Variants in OSBPL1A observed in about 807,000 individuals in gnomAD.
The protein encoded by OSBPL1A is oxysterol-binding protein-related protein 1.
A neutral mutation model predicts 137.1 loss-of-function variants in OSBPL1A; 80 were observed. The observed-to-expected ratio is 0.58, with a 90% CI of 0.49 to 0.70. The LOEUF is 0.70. Among genes scored for constraint, OSBPL1A ranks in the 30% least tolerant of loss-of-function variants. The probability of loss-of-function intolerance (pLI) is 0.00; values close to 1 mark genes in which losing one functional copy is unlikely to be tolerated. For missense variants in OSBPL1A, 970 were observed against 1,129.4 expected, an observed-to-expected ratio of 0.86 and a Z score of 2.02; for synonymous variants, 365 against 389.7, an observed-to-expected ratio of 0.94 and a Z score of 0.75.
At chr18:24,186,482 CA>C (rs1349940028) in intron 18 of OSBPL1A, among the ~76,000 whole-genome samples, 1 of 152,012 alleles carries the variant, frequency 6.6e-6, no homozygotes, top group Non-Finnish European at 1.5e-5. Flanking sequence ...ATAGTAACAT[CA>C]AAAAGTTAAT....
intron 23 of OSBPL1A, 109 bp downstream of exon 23, chr18:24,171,299 TG>T: frequency 1.3e-6 from 1 of 783,030 alleles, no homozygotes; most frequent in Non-Finnish European, 2.1e-6. Context: ...CCCAAAGTGC[TG>T]GGATTATAGG....
At chr18:24,280,989 G>C (rs1012418769) in intron 14 of OSBPL1A, 41 bp from the exon 15 acceptor site, 13 of 1,369,502 alleles carry the variant, frequency 9.5e-6, no homozygotes, top group Non-Finnish European at 1.2e-5. Flanking sequence ...GGATTTTAAG[G>C]AATCTTAAGG....
In OSBPL1A at chr18:24,303,697, G is replaced by A. The variant is rs1247579673; in HGVS notation, c.1114C>T (p.Arg372Ter). The A allele has an allele frequency of 6.8e-6, 11 of 1,613,138 alleles. No individual in the cohort carries two copies. Among genetic ancestry groups the A allele is most frequent in the East Asian group, 2.2e-5 (1 of 44,774 alleles). Residue 372 changes from arginine (R) to a stop codon, truncating the protein, a stop_gained, in exon 14 of 28, where the codon CGA (arginine) becomes TGA (stop). Coordinates refer to ENST00000319481, the MANE Select transcript of OSBPL1A (RefSeq NM_080597.4). LOFTEE classifies it high-confidence loss of function. ...AAGTTGGAAATTTCCCTATCTAGTC[G>A]CTGTTGGCATGACTGTGCTTTCTGC... ...SLEKAQSCQQ[R>*]LDREISNFLK...
chr18:24,177,249 A>G (rs992399564), intron 21 of OSBPL1A, among the ~76,000 whole-genome samples: 1 of 152,200 alleles, frequency 6.6e-6, no homozygotes, highest in African/African-American at 2.4e-5. Flanking sequence ...GATTTCCCCT[A>G]TTCTCTACTT....
At chr18:24,386,836 G>A (rs1018557740) in intron 1 of OSBPL1A, among the ~76,000 whole-genome samples, 10 of 152,078 alleles carry the variant, frequency 6.6e-5, no homozygotes, top group African/African-American at 2.2e-4. Context: ...GCATGCGCCT[G>A]TAGTCAGTTA....
intron 4 of OSBPL1A, among the ~76,000 whole-genome samples, chr18:24,352,564 A>G (rs1415064048): frequency 6.6e-6 from 1 of 152,084 alleles, no homozygotes; most frequent in Non-Finnish European, 1.5e-5. Context: ...GGAAAAAACT[A>G]CTTTAAAGTT....
chr18:24,189,655 T>TCCC (rs1361619417), intron 18 of OSBPL1A, among the ~76,000 whole-genome samples: 3 of 151,954 alleles, frequency 2.0e-5, no homozygotes, highest in South Asian at 2.1e-4. Flanking sequence ...GCTGCTCAGT[T>TCCC]CCCCCCGCTC....
At chr18:24,206,583 A>G (rs1054132938) in intron 17 of OSBPL1A, among the ~76,000 whole-genome samples, 7 of 152,208 alleles carry the variant, frequency 4.6e-5, no homozygotes, top group Non-Finnish European at 8.8e-5. Flanking sequence ...TTCCATTGAC[A>G]TGATTAGATG....
chr18:24,310,942 G>A (rs2090610530), intron 13 of OSBPL1A, among the ~76,000 whole-genome samples: 1 of 152,078 alleles, frequency 6.6e-6, no homozygotes, highest in South Asian at 2.1e-4. Flanking sequence ...CTTAAATGCT[G>A]TAGTAGATGT....
chr18:24,276,453 G>GT (rs1023301206), intron 15 of OSBPL1A, among the ~76,000 whole-genome samples: 14 of 151,952 alleles, frequency 9.2e-5, no homozygotes, highest in East Asian at 5.8e-4. Context: ...TTTGTTTTTT[G>GT]TTTTTTTGAG....
rs781562412 is a variant in OSBPL1A at position 24,391,711 on chromosome 18, C to A, written c.-3+5944G>T. The stretch of plus-strand genomic sequence containing the variant: ...GCCACTGCACTCCAGCTCTGGGCCA[C>A]AGAATGAAACTCTTTTTTAAAAAAC... On this transcript the variant is annotated intron_variant, in intron 1 of 27. Coordinates refer to ENST00000319481, the MANE Select transcript of OSBPL1A (RefSeq NM_080597.4). Among the ~76,000 whole-genome samples, 4 of 151,994 alleles carry A rather than the reference C, an allele frequency of 2.6e-5. No individual in the cohort carries two copies. The East Asian group carries it at 7.8e-4, about 30-fold the overall frequency.
intron 14 of OSBPL1A, among the ~76,000 whole-genome samples, chr18:24,288,316 G>C (rs768207229): frequency 1.3e-5 from 2 of 152,244 alleles, no homozygotes; most frequent in Non-Finnish European, 2.9e-5. Context: ...CAGCTGAAGT[G>C]AGTAGACACA....
At chr18:24,247,643 T>A (rs2088942336) in intron 15 of OSBPL1A, among the ~76,000 whole-genome samples, 1 of 150,788 alleles carries the variant, frequency 6.6e-6, no homozygotes, top group Non-Finnish European at 1.5e-5. Context: ...TTTTTGTAAT[T>A]TTTTTTAATA....
intron 2 of OSBPL1A, among the ~76,000 whole-genome samples, chr18:24,370,739 C>T (rs1320053087): frequency 2.6e-5 from 4 of 152,234 alleles, no homozygotes; most frequent in Non-Finnish European, 1.5e-5. Flanking sequence ...ACAATCACAT[C>T]TCACTGCAGC....
intron 4 of OSBPL1A, among the ~76,000 whole-genome samples, chr18:24,342,534 A>G (rs571039445): frequency 6.6e-6 from 1 of 152,280 alleles, no homozygotes; most frequent in Non-Finnish European, 1.5e-5. Flanking sequence ...ATATGAAGTG[A>G]TATCCTGTGT....
At chr18:24,394,236 C>A (rs1907573207) in intron 1 of OSBPL1A, among the ~76,000 whole-genome samples, 1 of 152,126 alleles carries the variant, frequency 6.6e-6, no homozygotes, top group Non-Finnish European at 1.5e-5. Flanking sequence ...CCATTCCATA[C>A]CCACACCAAC....
At chr18:24,261,313 G>A (rs892282645) in intron 15 of OSBPL1A, among the ~76,000 whole-genome samples, 9 of 152,280 alleles carry the variant, frequency 5.9e-5, no homozygotes, top group Admixed American at 4.6e-4. Flanking sequence ...GGAAGGAATA[G>A]AAGTATTCCT....
chr18:24,168,347 C>G (rs1164565668), intron 24 of OSBPL1A, among the ~76,000 whole-genome samples: 1 of 152,182 alleles, frequency 6.6e-6, no homozygotes, highest in African/African-American at 2.4e-5. Flanking sequence ...AATCTGAGAA[C>G]AACAAAAGGT....
In OSBPL1A at chr18:24,196,181, TAGG is replaced by T. The variant is rs771303410; in HGVS notation, c.1618_1620del (p.Pro540del). On this transcript the variant is annotated inframe_deletion, in exon 18 of 28. Transcript: ENST00000319481. ...ATACTGAAGTCATTTCTGGAAAACA[TAGG>T]AGAAGGCAAACTTGTTCTGAAAAAA... The T allele has an allele frequency of 1.2e-6, 2 of 1,610,124 alleles. No individual in the cohort carries two copies. Among genetic ancestry groups the T allele is most frequent in the East Asian group, 2.2e-5 (1 of 44,878 alleles).
Sources: allele counts gnomAD v4.1 joint callset (sites outside exome capture counted in the v4.1 genomes callset), GRCh38; gene constraint gnomAD v4.1.1; transcripts MANE v1.5; gene names NCBI Gene and HGNC (gene_info 2026-07-23, HGNC 2026-07-21).